The following VCP variants were observed in gnomAD, a reference collection of about 807,000 sequenced individuals.
VCP encodes the protein valosin containing protein.
In VCP, 6 loss-of-function variants were observed where a neutral mutation model predicts 85.7. The ratio of observed to expected loss-of-function variants is 0.07; its 90% CI spans 0.04 to 0.14. The LOEUF (loss-of-function observed/expected upper bound fraction) is 0.14, where lower values mean the gene tolerates loss of function less well. Among genes scored for constraint, VCP ranks in the 10% least tolerant of loss-of-function variants. VCP has a pLI of 1.00. For missense variants in VCP, 353 were observed against 1,043.4 expected, an observed-to-expected ratio of 0.34 and a Z score of 9.12; for synonymous variants, 384 against 367.1, an observed-to-expected ratio of 1.05 and a Z score of -0.53.
chr9:35,061,492 A>C, intron 10 of VCP, 85 bp downstream of exon 10: 1 of 1,308,146 alleles, frequency 7.6e-7, no homozygotes, highest in Non-Finnish European at 1.1e-6. Context: ...CCATCTCCTC[A>C]CATCTTAACC....
chr9:35,061,855 T>A (rs1179089329), intron 9 of VCP, 148 bp downstream of exon 9: 31 of 1,490,424 alleles, frequency 2.1e-5, no homozygotes, highest in Non-Finnish European at 2.7e-5. Context: ...ACCAGGGTGG[T>A]TGGTCACTCT....
chr9:35,061,292 TG>T (rs1828716357), intron 10 of VCP, 113 bp from the exon 11 acceptor site: 1 of 1,407,854 alleles, frequency 7.1e-7, no homozygotes, highest in African/African-American at 1.4e-5. Context: ...CTCATTTCCT[TG>T]AATATATACT....
intron 4 of VCP, among the ~76,000 whole-genome samples, chr9:35,066,113 G>A (rs932114174): frequency 1.3e-5 from 2 of 151,160 alleles, no homozygotes; most frequent in African/African-American, 2.4e-5. Flanking sequence ...GGGACAGCGC[G>A]ACACTCTGTC....
intron 5 of VCP, among the ~76,000 whole-genome samples, chr9:35,064,673 C>T (rs1206147815): frequency 1.3e-5 from 2 of 152,192 alleles, no homozygotes; most frequent in Non-Finnish European, 2.9e-5. Context: ...AAGCTGGAAA[C>T]CCTGGGAATG....
At position 35,057,162 on chromosome 9, in the gene VCP, A is replaced by C. The variant is rs1587117034; in HGVS notation, c.2376T>G (p.Gly792=). The C allele has an allele frequency of 6.2e-7, 1 of 1,614,084 alleles. No homozygotes were observed. Among genetic ancestry groups the C allele is most frequent in the Non-Finnish European group, 8.5e-7 (1 of 1,180,000 alleles). ...GPSQGSGGGT[G]GSVYTEDNDD... is the part of the protein sequence containing the mutation. ...CATTGTCTTCTGTGTATACACTGCC[A>C]CCTGTGCCGCCTCCACTGCCCTGAC... The change falls in exon 17 of 17, where the codon GGT becomes GGG. Residue 792 remains glycine, a synonymous_variant. Coordinates refer to ENST00000358901, the MANE Select transcript of VCP (RefSeq NM_007126.5).
chr9:35,058,930 C>T, intron 15 of VCP, 134 bp downstream of exon 15: 3 of 1,244,498 alleles, frequency 2.4e-6, no homozygotes, highest in South Asian at 1.2e-5. Flanking sequence ...CATTCTTTAT[C>T]TTTGATGCCC....
rs1194007070 is a variant in VCP at position 35,056,496 on chromosome 9, T to C, written c.*621A>G. 6.3e-6 allele frequency: 1 copy of C among 157,650 alleles called. No homozygotes were observed. The highest frequency in any genetic ancestry group is 2.4e-5 in the African/African-American group (1 of 41,472). The allele number at this position is 157,650 out of a possible 1,614,324, so 9.8% of individuals were successfully genotyped here. ...GGATTTCACATTTGGAAGAATGCCT[T>C]GGGAGTGGTGGGTAGCCCAAGGCTG... is the stretch of plus-strand genomic sequence containing the variant. On this transcript the variant is annotated 3_prime_UTR_variant, in exon 17 of 17. Transcript: ENST00000358901.
Position 35,064,304 on chromosome 9 carries a change from A to G in VCP, c.577-19T>C. The G allele has an allele frequency of 6.2e-7, 1 of 1,613,594 alleles. No individual in the cohort carries two copies. ...CCTCATCCTGAATATGGAGGAGATA[A>G]AGAAAGGAGAAGGCAAGAATATTAT... On this transcript the variant is annotated intron_variant, in intron 5 of 16. Coordinates refer to ENST00000358901, the MANE Select transcript of VCP (RefSeq NM_007126.5).
Position 35,059,262 on chromosome 9 carries a change from C to G in VCP, c.2005-43G>C, listed in dbSNP as rs1289458319. 1 of 1,612,822 alleles carries G rather than the reference C, an allele frequency of 6.2e-7. No homozygotes were observed. The highest frequency in any genetic ancestry group is 1.1e-5 in the South Asian group (1 of 90,836). ...GGTACCTTAGCATTTAGCCTCTCCT[C>G]TCGAGATACGCAGATCTTTGGGCTA... is the stretch of plus-strand genomic sequence containing the variant. On this transcript the variant is annotated intron_variant, in intron 14 of 16. Transcript: ENST00000358901. The surrounding 1 kb of genome is among the most constrained non-coding windows in gnomAD (Gnocchi z 4.9).
At chr9:35,067,317 G>A (rs1488159566) in intron 3 of VCP, among the ~76,000 whole-genome samples, 2 of 152,176 alleles carry the variant, frequency 1.3e-5, no homozygotes, top group Non-Finnish European at 1.5e-5. Flanking sequence ...TGGTTGGGTA[G>A]GAGTGGCTAG....
chr9:35,068,444 C>T (rs1332525256), intron 1 of VCP, 82 bp from the exon 2 acceptor site: 1 of 1,242,348 alleles, frequency 8.0e-7, no homozygotes, highest in Non-Finnish European at 1.2e-6. Context: ...AGGAAAGAAA[C>T]AGTGAATAGA....
At chr9:35,066,103 G>C (rs1225920699) in intron 4 of VCP, among the ~76,000 whole-genome samples, 1 of 151,664 alleles carries the variant, frequency 6.6e-6, no homozygotes, top group Non-Finnish European at 1.5e-5. Flanking sequence ...TCCAGCCTGG[G>C]GGACAGCGCG....
chr9:35,060,203 G>A, intron 13 of VCP, 110 bp downstream of exon 13: 3 of 1,124,692 alleles, frequency 2.7e-6, no homozygotes, highest in East Asian at 5.1e-5. Flanking sequence ...GTGACTTACT[G>A]TGCAGTTGAG....
chr9:35,063,580 T>C (rs920664468), intron 6 of VCP, among the ~76,000 whole-genome samples: 7 of 152,154 alleles, frequency 4.6e-5, no homozygotes, highest in African/African-American at 1.4e-4. Context: ...TATGGCCTCA[T>C]CCACAAGCAG....
In VCP at chr9:35,056,110, A is replaced by G. The variant is rs1029069493; in HGVS notation, c.*1007T>C. Reference sequence around the variant, plus strand: ...TTTTTTTTTAATCAAAGTACATAAAATAAAGGTGGACACAACTGTAAGTGA... The same window carrying G: ...TTTTTTTTTAATCAAAGTACATAAAGTAAAGGTGGACACAACTGTAAGTGA... On this transcript the variant is annotated 3_prime_UTR_variant, in exon 17 of 17. Coordinates refer to ENST00000358901, the MANE Select transcript of VCP (RefSeq NM_007126.5). The G allele has an allele frequency of 3.3e-5, 5 of 152,096 alleles. No individual in the cohort carries two copies. The highest frequency in any genetic ancestry group is 5.9e-5 in the Non-Finnish European group (4 of 68,010). 9.4% of individuals were successfully genotyped at this position (152,096 alleles called of 1,614,324 possible).
Position 35,064,324 on chromosome 9 carries a change from T to A in VCP, c.577-39A>T, listed in dbSNP as rs370342873. ...AGATAAAGAAAGGAGAAGGCAAGAA[T>A]ATTATATCAGCAAAAGCTGAGTTTC... On this transcript the variant is annotated intron_variant, in intron 5 of 16. Coordinates refer to ENST00000358901, the MANE Select transcript of VCP (RefSeq NM_007126.5). The A allele has an allele frequency of 1.3e-5, 21 of 1,611,796 alleles. No homozygotes were observed. The East Asian group carries it at 4.7e-4, about 36-fold the overall frequency.
chr9:35,061,958 T>TAGG (rs773670816), intron 9 of VCP, 45 bp downstream of exon 9: 1 of 1,613,802 alleles, frequency 6.2e-7, no homozygotes, highest in South Asian at 1.1e-5. Context: ...AGGAGAGAAG[T>TAGG]AGGACCTAAG....
chr9:35,067,765 G>T, intron 3 of VCP, 126 bp downstream of exon 3: 3 of 1,268,122 alleles, frequency 2.4e-6, no homozygotes, highest in Non-Finnish European at 1.1e-6. Flanking sequence ...GTCTTCCCAT[G>T]ACCAGGAGGC....
In VCP at chr9:35,060,304, G is replaced by A. The variant is rs775092396; in HGVS notation, c.1695+9C>T. Reference sequence around the variant, plus strand: ...AAATCAATACATAGTTCAGCCTATTGTAGCTCACCTTGTCAAAGATTTCTC... The same window carrying A: ...AAATCAATACATAGTTCAGCCTATTATAGCTCACCTTGTCAAAGATTTCTC... On this transcript the variant is annotated intron_variant, in intron 13 of 16. Transcript: ENST00000358901. 5.0e-6 allele frequency: 8 copies of A among 1,613,872 alleles called. No homozygotes were observed. Among genetic ancestry groups the A allele is most frequent in the Non-Finnish European group, 6.8e-6 (8 of 1,179,776 alleles).
Sources: gnomAD v4.1 joint callset for allele counts (sites outside exome capture counted in the v4.1 genomes callset) on GRCh38, gnomAD v4.1.1 for gene constraint, Gnocchi (gnomAD v3.1) non-coding constraint, MANE v1.5 for transcripts, NCBI Gene and HGNC (gene_info 2026-07-23, HGNC 2026-07-21) for gene names.